Variants in PHF21B observed in about 807,000 individuals in gnomAD.
PHF21B encodes the protein PHD finger protein 21B, also known as PHD finger protein 4.
PHF21B carries 22 observed loss-of-function variants against 62.2 expected under a neutral mutation model. The observed-to-expected ratio is 0.35, with a 90% CI of 0.25 to 0.51. The LOEUF (loss-of-function observed/expected upper bound fraction) is 0.51, where lower values mean the gene tolerates loss of function less well. Ranked by LOEUF, PHF21B falls within the 20% of genes least tolerant of loss-of-function variation. The pLI is 0.97. For synonymous variants in PHF21B, 341 were observed against 314.7 expected, an observed-to-expected ratio of 1.08 and a Z score of -0.88; for missense variants, 701 against 707.9, an observed-to-expected ratio of 0.99 and a Z score of 0.11.
chr22:44,934,029 T>C (rs534938448), intron 2 of PHF21B, among the ~76,000 whole-genome samples: 14 of 152,294 alleles, frequency 9.2e-5, no homozygotes, highest in South Asian at 6.2e-4. Flanking sequence ...AGAAAATATA[T>C]GGCATGTGTA....
At chr22:44,883,380 C>T in intron 12 of PHF21B, 76 bp from the exon 13 acceptor site, 2 of 1,385,584 alleles carry the variant, frequency 1.4e-6, no homozygotes, top group Non-Finnish European at 2.0e-6. Flanking sequence ...ACCGTCTGGG[C>T]CCCTCTCCCC....
chr22:44,964,479 C>CGATCTTCAG (rs2072486651), intron 2 of PHF21B, among the ~76,000 whole-genome samples: 1 of 147,912 alleles, frequency 6.8e-6, no homozygotes, highest in Non-Finnish European at 1.5e-5. Context: ...CCCAAACCTC[C>CGATCTTCAG]GATCTTCAGC....
chr22:44,925,418 G>C (rs761538885), intron 2 of PHF21B, among the ~76,000 whole-genome samples: 6 of 152,158 alleles, frequency 3.9e-5, no homozygotes, highest in Non-Finnish European at 7.3e-5. Context: ...CCACCACAGA[G>C]CTGCTTCTCT....
intron 2 of PHF21B, among the ~76,000 whole-genome samples, chr22:44,977,001 C>A (rs1277378711): frequency 6.6e-6 from 1 of 151,964 alleles, no homozygotes; most frequent in African/African-American, 2.4e-5. Flanking sequence ...GTGGCACACT[C>A]CTGTAGTCCC....
intron 4 of PHF21B, among the ~76,000 whole-genome samples, 200 bp downstream of exon 4, chr22:44,916,080 C>T (rs183689785): frequency 1.3e-3 from 199 of 152,354 alleles, no homozygotes; most frequent in Non-Finnish European, 2.4e-3. Flanking sequence ...CTAATTCACT[C>T]CCTTAATCAT....
chr22:44,921,386 G>A (rs1347298757), intron 2 of PHF21B, among the ~76,000 whole-genome samples: 2 of 145,196 alleles, frequency 1.4e-5, no homozygotes, highest in Non-Finnish European at 3.0e-5. Context: ...TTTTTTTCTT[G>A]AGACGGAGTC....
intron 2 of PHF21B, among the ~76,000 whole-genome samples, chr22:44,920,965 G>T (rs1019141241): frequency 6.6e-6 from 1 of 152,226 alleles, no homozygotes; most frequent in Non-Finnish European, 1.5e-5. Context: ...CAATGCTGCA[G>T]CGAACATCTT....
At chr22:44,910,423 T>C (rs1026863201) in intron 5 of PHF21B, among the ~76,000 whole-genome samples, 6 of 152,154 alleles carry the variant, frequency 3.9e-5, no homozygotes, top group South Asian at 2.1e-4. Context: ...CCCTGTGATA[T>C]GGTTTGGTTG....
chr22:44,913,715 C>T (rs1302844833), intron 5 of PHF21B, 107 bp downstream of exon 5: 1 of 1,426,818 alleles, frequency 7.0e-7, no homozygotes, highest in South Asian at 1.5e-5. Flanking sequence ...GTGCCCACGG[C>T]TTGTCGGGAC....
intron 2 of PHF21B, among the ~76,000 whole-genome samples, chr22:44,982,714 G>A (rs1043567497): frequency 6.6e-6 from 1 of 152,166 alleles, no homozygotes; most frequent in African/African-American, 2.4e-5. Context: ...TTGTAACAAG[G>A]TTTACAGAGG....
chr22:44,988,327 T>C (rs866904091), intron 2 of PHF21B, among the ~76,000 whole-genome samples: 1 of 152,098 alleles, frequency 6.6e-6, no homozygotes, highest in African/African-American at 2.4e-5. Flanking sequence ...ACGAGTGTGG[T>C]AGCATGGGCC....
intron 2 of PHF21B, among the ~76,000 whole-genome samples, chr22:44,938,534 A>T (rs2071893951): frequency 6.6e-6 from 1 of 152,202 alleles, no homozygotes; most frequent in Non-Finnish European, 1.5e-5. Context: ...CGCCCAAAAA[A>T]TCTATATATT....
At position 44,901,987 on chromosome 22, in the gene PHF21B, G is replaced by C. The variant is rs879174579; in HGVS notation, c.832-5904C>G. 2.3e-5 allele frequency: 5 copies of C among 217,922 alleles called. No individual in the cohort carries two copies. In the South Asian group the frequency reaches 4.4e-4, roughly 19 times the overall value. 13.5% of individuals were successfully genotyped at this position (217,922 alleles called of 1,614,324 possible). The stretch of plus-strand genomic sequence containing the variant: ...AAAAACCCCTTCAGCCAGCATGGGA[G>C]AAAATTGTAAGCCAGCATCACCCCT... On this transcript the variant is annotated intron_variant, in intron 5 of 12. Transcript: ENST00000313237.
intron 2 of PHF21B, among the ~76,000 whole-genome samples, chr22:44,982,920 T>TC (rs2072869324): frequency 6.6e-6 from 1 of 151,970 alleles, no homozygotes; most frequent in Non-Finnish European, 1.5e-5. Flanking sequence ...GAAATGATGC[T>TC]CCCCAAGACA....
rs546828311 is a variant in PHF21B, at chr22:44,895,979, C to T, written c.883+53G>A. The stretch of plus-strand genomic sequence containing the variant: ...TCATCACACCTGGCCCCCAACACCC[C>T]GGCTTTCGGGTCAGTCCCAGCCCAA... On this transcript the variant is annotated intron_variant, in intron 6 of 12. Transcript: ENST00000313237. The T allele has an allele frequency of 1.3e-4, 210 of 1,604,230 alleles. 1 individual carries two copies. The highest frequency in any genetic ancestry group is 9.2e-4 in the African/African-American group (69 of 74,866).
chr22:44,985,659 TGGAGATAATATG>T (rs2072932031), intron 2 of PHF21B, among the ~76,000 whole-genome samples: 1 of 152,148 alleles, frequency 6.6e-6, no homozygotes, highest in Non-Finnish European at 1.5e-5. Context: ...CCCTCCACTG[TGGAGATAATATG>T]GGAGATAATA....
At chr22:44,910,645 C>T (rs2071328996) in intron 5 of PHF21B, among the ~76,000 whole-genome samples, 1 of 152,180 alleles carries the variant, frequency 6.6e-6, no homozygotes, top group African/African-American at 2.4e-5. Flanking sequence ...TCCTTCTTTC[C>T]TTCTGCCATG....
At chr22:44,945,085 C>T (rs1165531861) in intron 2 of PHF21B, among the ~76,000 whole-genome samples, 1 of 152,242 alleles carries the variant, frequency 6.6e-6, no homozygotes, top group African/African-American at 2.4e-5. Flanking sequence ...TAATTTCCTG[C>T]CTCTAAATCA....
At chr22:44,954,203 AT>A (rs1569251588) in intron 2 of PHF21B, among the ~76,000 whole-genome samples, 1 of 152,010 alleles carries the variant, frequency 6.6e-6, no homozygotes, top group Admixed American at 6.5e-5. Context: ...TAAAAAAAAA[AT>A]CCCCTTGGAA....
Sources: allele counts gnomAD v4.1 joint callset (sites outside exome capture counted in the v4.1 genomes callset), GRCh38; gene constraint gnomAD v4.1.1; transcripts MANE v1.5; gene names NCBI Gene and HGNC (gene_info 2026-07-23, HGNC 2026-07-21).